NTNG1: variants seen among roughly 807,000 people sequenced by gnomAD.
NTNG1 encodes netrin G1.
NTNG1 carries 16 observed loss-of-function variants against 54.0 expected under a neutral mutation model. The ratio of observed to expected loss-of-function variants is 0.30; its 90% CI spans 0.20 to 0.45. NTNG1 has a LOEUF of 0.45. Among genes scored for constraint, NTNG1 ranks in the 20% least tolerant of loss-of-function variants. The pLI, the probability that NTNG1 is intolerant of heterozygous loss-of-function variation, is 1.00. For missense variants in NTNG1, 530 were observed against 678.7 expected, an observed-to-expected ratio of 0.78 and a Z score of 2.43; for synonymous variants, 255 against 263.1, an observed-to-expected ratio of 0.97 and a Z score of 0.30.
chr1:107,229,848 G>C (rs950903833), intron 2 of NTNG1, among the ~76,000 whole-genome samples: 5 of 152,046 alleles, frequency 3.3e-5, no homozygotes, highest in Admixed American at 2.6e-4. Flanking sequence ...TCCTCTGAGA[G>C]ACAGCTGGAA....
chr1:107,418,859 C>T (rs1674387912), intron 5 of NTNG1, among the ~76,000 whole-genome samples: 1 of 151,876 alleles, frequency 6.6e-6, no homozygotes, highest in South Asian at 2.1e-4. Context: ...GTTAAAAAGC[C>T]CTTTACCAGA....
At chr1:107,216,566 T>G (rs147878444) in intron 2 of NTNG1, among the ~76,000 whole-genome samples, 1 of 152,314 alleles carries the variant, frequency 6.6e-6, no homozygotes, top group East Asian at 1.9e-4. Flanking sequence ...TTGTTAAGGA[T>G]TTTTACATTT....
At chr1:107,467,522 T>C (rs1185933089) in intron 7 of NTNG1, among the ~76,000 whole-genome samples, 2 of 152,238 alleles carry the variant, frequency 1.3e-5, no homozygotes, top group African/African-American at 4.8e-5. Flanking sequence ...AAGTGGCCTC[T>C]TTTACAGATG....
chr1:107,157,823 G>A (rs957581142), intron 2 of NTNG1, among the ~76,000 whole-genome samples: 6 of 151,932 alleles, frequency 3.9e-5, no homozygotes, highest in Non-Finnish European at 8.8e-5. Flanking sequence ...TTATATATAT[G>A]TAATATTTGG....
At chr1:107,428,178 C>T (rs1675018914) in intron 5 of NTNG1, among the ~76,000 whole-genome samples, 2 of 152,088 alleles carry the variant, frequency 1.3e-5, no homozygotes, top group African/African-American at 4.8e-5. Flanking sequence ...CCACTCTTTA[C>T]TCTATTACTT....
chr1:107,244,268 C>A (rs1249735687), intron 2 of NTNG1, among the ~76,000 whole-genome samples: 1 of 152,318 alleles, frequency 6.6e-6, no homozygotes, highest in South Asian at 2.1e-4. Context: ...AAAATAGATA[C>A]AACTTAAAAG....
At chr1:107,291,105 C>T (rs1665574979) in intron 2 of NTNG1, among the ~76,000 whole-genome samples, 1 of 151,468 alleles carries the variant, frequency 6.6e-6, no homozygotes, top group Admixed American at 6.6e-5. Context: ...CCTCTGCCAC[C>T]TCTGAGACAG....
At chr1:107,304,082 T>G (rs1238127304) in intron 2 of NTNG1, among the ~76,000 whole-genome samples, 1 of 152,040 alleles carries the variant, frequency 6.6e-6, no homozygotes, top group Non-Finnish European at 1.5e-5. Context: ...AACAGCCTAT[T>G]ACAACAAGTA....
chr1:107,432,672 T>C (rs1675344627), intron 6 of NTNG1, among the ~76,000 whole-genome samples: 1 of 152,106 alleles, frequency 6.6e-6, no homozygotes, highest in Non-Finnish European at 1.5e-5. Context: ...CCAGAAAAAC[T>C]AAAATAAATA....
chr1:107,245,157 C>A (rs766522751), intron 2 of NTNG1, among the ~76,000 whole-genome samples: 1 of 152,098 alleles, frequency 6.6e-6, no homozygotes, highest in Non-Finnish European at 1.5e-5. Context: ...TTTATCCAGG[C>A]AAATTCCTTT....
chr1:107,344,379 G>A (rs1669097148), intron 3 of NTNG1, among the ~76,000 whole-genome samples: 1 of 152,228 alleles, frequency 6.6e-6, no homozygotes, highest in Non-Finnish European at 1.5e-5. Context: ...TTTTAGGAGA[G>A]GACAGGGCTC....
intron 6 of NTNG1, 63 bp from the exon 7 acceptor site, chr1:107,436,602 G>T: frequency 6.8e-7 from 1 of 1,466,980 alleles, no homozygotes; most frequent in Non-Finnish European, 9.2e-7. Context: ...TGACGCTCCT[G>T]TGTTGATAAC....
chr1:107,221,808 C>T (rs1214357639), intron 2 of NTNG1, among the ~76,000 whole-genome samples: 1 of 152,022 alleles, frequency 6.6e-6, no homozygotes, highest in Non-Finnish European at 1.5e-5. Context: ...ATTGTCAGTG[C>T]CATCCTTTGG....
chr1:107,354,587 T>C (rs552894864), intron 3 of NTNG1, among the ~76,000 whole-genome samples: 14 of 151,496 alleles, frequency 9.2e-5, no homozygotes, highest in Admixed American at 4.6e-4. Context: ...CATCCATGGG[T>C]AAAACCCTAT....
At chr1:107,436,559 T>A in intron 6 of NTNG1, 106 bp from the exon 7 acceptor site, 1 of 891,180 alleles carries the variant, frequency 1.1e-6, no homozygotes, top group Non-Finnish European at 1.6e-6. Context: ...TTAATGGACA[T>A]CTTTCTTTAA....
At chr1:107,361,575 A>G (rs1387641259) in intron 3 of NTNG1, among the ~76,000 whole-genome samples, 1 of 151,536 alleles carries the variant, frequency 6.6e-6, no homozygotes, top group Non-Finnish European at 1.5e-5. Flanking sequence ...TTTAGTAGAC[A>G]TGAGGTTTCA....
chr1:107,315,040 T>A lies in NTNG1; in HGVS notation c.247-9242T>A, dbSNP rs138440086. 3.7e-3 allele frequency among the ~76,000 whole-genome samples: 570 copies of A among 152,274 alleles called. 5 individuals are homozygous for A. The highest frequency in any genetic ancestry group is 0.013 in the African/African-American group (554 of 41,532). ...ATTTAACATTTCCAGTCTTGAACTC[T>A]TGCTCGCTCCACAACTCCAAACCTG... On this transcript the variant is annotated intron_variant, in intron 2 of 7. Coordinates refer to ENST00000370068, the MANE Select transcript of NTNG1 (RefSeq NM_001113226.3).
Position 107,483,112 on chromosome 1 carries a change from G to A in NTNG1, c.*2272G>A, listed in dbSNP as rs531429093. ...GTTTGAGATTATTTATAATGAGGTGGATTTCTGATATTAAAATTAGAGTTT... is the reference window on the plus strand; with the variant it reads ...GTTTGAGATTATTTATAATGAGGTGAATTTCTGATATTAAAATTAGAGTTT... On this transcript the variant is annotated 3_prime_UTR_variant, in exon 8 of 8. Coordinates refer to ENST00000370068, the MANE Select transcript of NTNG1 (RefSeq NM_001113226.3). 1 of 152,266 alleles carries A rather than the reference G, an allele frequency of 6.6e-6. No homozygotes were observed. Among genetic ancestry groups the A allele is most frequent in the East Asian group, 1.9e-4 (1 of 5,180 alleles). The allele number at this position is 152,266 out of a possible 1,614,324, so 9.4% of individuals were successfully genotyped here.
chr1:107,188,842 T>C (rs1373749592), intron 2 of NTNG1, among the ~76,000 whole-genome samples: 2 of 152,084 alleles, frequency 1.3e-5, no homozygotes, highest in East Asian at 3.9e-4. Context: ...TCCCTATTGA[T>C]TACAAATGTA....
Sources: allele counts gnomAD v4.1 joint callset (sites outside exome capture counted in the v4.1 genomes callset), GRCh38; gene constraint gnomAD v4.1.1; transcripts MANE v1.5; gene names NCBI Gene and HGNC (gene_info 2026-07-23, HGNC 2026-07-21).